The following MMS22L variants were observed in gnomAD, a reference collection of about 807,000 sequenced individuals.
MMS22L encodes the protein protein MMS22-like.
MMS22L carries 74 observed loss-of-function variants against 159.1 expected under a neutral mutation model. The ratio of observed to expected loss-of-function variants is 0.47; its 90% confidence interval spans 0.39 to 0.56. MMS22L has a LOEUF of 0.56. Among genes scored for constraint, MMS22L ranks in the 20% least tolerant of loss-of-function variants. The probability of loss-of-function intolerance (pLI) is 0.00; values close to 1 mark genes in which losing one functional copy is unlikely to be tolerated. For synonymous variants in MMS22L, 517 were observed against 506.9 expected (o/e 1.02, Z -0.27); for missense variants, 1,351 against 1,422.1 (o/e 0.95, Z 0.80).
At chr6:97,148,799 G>A (rs1231028142) in intron 24 of MMS22L, among the ~76,000 whole-genome samples, 2 of 151,692 alleles carry the variant, frequency 1.3e-5, no homozygotes, top group East Asian at 3.9e-4. Flanking sequence ...TGTTTATAAT[G>A]TCTACTACAA....
At chr6:97,202,512 T>G (rs926551660) in intron 14 of MMS22L, among the ~76,000 whole-genome samples, 3 of 152,078 alleles carry the variant, frequency 2.0e-5, no homozygotes, top group Non-Finnish European at 2.9e-5. Flanking sequence ...AGCTATTACC[T>G]TAGCGTTGAC....
chr6:97,210,236 T>C (rs1298568105), intron 14 of MMS22L, among the ~76,000 whole-genome samples: 2 of 151,886 alleles, frequency 1.3e-5, no homozygotes, highest in Non-Finnish European at 2.9e-5. Context: ...GTAGATACTG[T>C]ATTAATGAAT....
rs1810615681 is a variant in MMS22L, at chr6:97,229,415, T to A, written c.1530-12A>T. 2.0e-6 allele frequency: 3 copies of A among 1,481,774 alleles called. No individual in the cohort carries two copies. The highest frequency in any genetic ancestry group is 2.7e-6 in the Non-Finnish European group (3 of 1,109,318). 91.8% of individuals were successfully genotyped at this position (1,481,774 alleles called of 1,614,324 possible). On this transcript the variant is annotated splice_polypyrimidine_tract_variant and intron_variant, in intron 13 of 24. Transcript: ENST00000683635. ...ATTTTGAATATATTCTGTAAAACAT[T>A]AAAAAATGCTTTAATAAAATTGTTT...
chr6:97,188,643 G>C (rs999535823), intron 14 of MMS22L, among the ~76,000 whole-genome samples: 18 of 152,174 alleles, frequency 1.2e-4, no homozygotes, highest in African/African-American at 4.3e-4. Flanking sequence ...ACATACACAA[G>C]TTTTAAGTGA....
At chr6:97,151,468 G>T in intron 23 of MMS22L, 1 of 310,096 alleles carries the variant, frequency 3.2e-6, no homozygotes, top group Non-Finnish European at 6.2e-6. Flanking sequence ...GGTGAAACTG[G>T]CTAACTATAC....
intron 14 of MMS22L, among the ~76,000 whole-genome samples, chr6:97,209,020 C>G (rs1017452822): frequency 1.3e-5 from 2 of 151,974 alleles, no homozygotes; most frequent in African/African-American, 4.8e-5. Flanking sequence ...TTTCAAGAGG[C>G]TCTCCCTACC....
intron 15 of MMS22L, among the ~76,000 whole-genome samples, chr6:97,186,232 C>T (rs1182223293): frequency 6.6e-6 from 1 of 152,046 alleles, no homozygotes; most frequent in Non-Finnish European, 1.5e-5. Flanking sequence ...TGCTAGTTTA[C>T]CTTCCAAAAT....
rs1813592103 is a variant in MMS22L, at chr6:97,254,610, T to G, written c.1066A>C (p.Thr356Pro). Reference protein sequence around the residue: ...DPLGFSWWIITHVASFYKFDR... With the variant: ...DPLGFSWWIIPHVASFYKFDR... Reference sequence around the variant, plus strand: ...AACTTGTAAAATGATGCTACATGAGTAATAATCCACCAACTAAAACCTAAT... The same window carrying G: ...AACTTGTAAAATGATGCTACATGAGGAATAATCCACCAACTAAAACCTAAT... Residue 356 changes from threonine to proline, a missense_variant, in exon 10 of 25, where the codon ACT (threonine) becomes CCT (proline). Coordinates refer to ENST00000683635, the MANE Select transcript of MMS22L (RefSeq NM_001350599.2). The G allele has an allele frequency of 4.3e-6, 7 of 1,613,622 alleles. No homozygotes were observed. The highest frequency in any genetic ancestry group is 5.9e-6 in the Non-Finnish European group (7 of 1,179,762).
chr6:97,203,306 TTTA>T (rs1333871766), intron 14 of MMS22L, among the ~76,000 whole-genome samples: 32 of 149,306 alleles, frequency 2.1e-4, no homozygotes, highest in African/African-American at 8.2e-4. Flanking sequence ...TATTTATTTA[TTTA>T]TTTTTTTTAC....
chr6:97,191,516 A>C (rs1323260888), intron 14 of MMS22L, among the ~76,000 whole-genome samples: 1 of 150,130 alleles, frequency 6.7e-6, no homozygotes, highest in African/African-American at 2.5e-5. Flanking sequence ...TATAATAAAT[A>C]TGACTGGTAA....
chr6:97,146,971 A>G (rs1299958489), intron 24 of MMS22L, 84 bp from the exon 25 acceptor site: 18 of 907,372 alleles, frequency 2.0e-5, no homozygotes, highest in Non-Finnish European at 2.7e-5. Flanking sequence ...AAGTCTGCCC[A>G]TCATCCATCC....
Position 97,173,228 on chromosome 6 carries a change from A to G in MMS22L, c.2680-6T>C, listed in dbSNP as rs750137648. ...CCGTAAGTTACACCAACAGCCTATA[A>G]ATAAAGAAAAACATTATTTAACTTC... On this transcript the variant is annotated splice_polypyrimidine_tract_variant and splice_region_variant and intron_variant, in intron 18 of 24. Transcript: ENST00000683635. 15 of 1,603,598 alleles carry G rather than the reference A, an allele frequency of 9.4e-6. No homozygotes were observed. The highest frequency in any genetic ancestry group is 3.3e-4 in the Middle Eastern group (2 of 5,998).
intron 4 of MMS22L, among the ~76,000 whole-genome samples, chr6:97,276,253 C>T (rs568338572): frequency 6.6e-6 from 1 of 152,114 alleles, no homozygotes; most frequent in Non-Finnish European, 1.5e-5. Context: ...TAATATTTAA[C>T]ACCACTAACT....
chr6:97,281,450 T>C (rs1195426109), intron 2 of MMS22L, 88 bp from the exon 3 acceptor site: 1 of 1,123,078 alleles, frequency 8.9e-7, no homozygotes, highest in East Asian at 2.4e-5. Context: ...TGAATCCATA[T>C]TATACATGAC....
chr6:97,262,382 T>C (rs569698795), intron 9 of MMS22L, among the ~76,000 whole-genome samples: 1 of 152,168 alleles, frequency 6.6e-6, no homozygotes, highest in Admixed American at 6.5e-5. Context: ...TGGTGGCTCA[T>C]GCCTGTAATC....
intron 19 of MMS22L, among the ~76,000 whole-genome samples, chr6:97,172,047 T>C (rs1192856346): frequency 6.6e-6 from 1 of 152,196 alleles, no homozygotes; most frequent in African/African-American, 2.4e-5. Flanking sequence ...TTTTCCTAAG[T>C]AGAATTTTGT....
At chr6:97,247,086 T>C (rs906562923) in intron 10 of MMS22L, among the ~76,000 whole-genome samples, 8 of 151,786 alleles carry the variant, frequency 5.3e-5, no homozygotes, top group South Asian at 2.1e-4. Context: ...ACTAGAGCTT[T>C]TTCCTTCATT....
intron 21 of MMS22L, among the ~76,000 whole-genome samples, chr6:97,163,571 A>C (rs139569603): frequency 3.1e-4 from 47 of 152,246 alleles, no homozygotes; most frequent in Non-Finnish European, 6.0e-4. Context: ...ATTCAATTTC[A>C]CTTCAGCATC....
At chr6:97,193,120 A>G (rs2128289584) in intron 14 of MMS22L, among the ~76,000 whole-genome samples, 1 of 152,344 alleles carries the variant, frequency 6.6e-6, no homozygotes, top group East Asian at 1.9e-4. Context: ...AGCTAATCCC[A>G]GGTGATATAC....
Sources: allele counts gnomAD v4.1 joint callset (sites outside exome capture counted in the v4.1 genomes callset), GRCh38; gene constraint gnomAD v4.1.1; transcripts MANE v1.5; gene names NCBI Gene and HGNC (gene_info 2026-07-23, HGNC 2026-07-21).